Variants in DCP2 observed in about 807,000 individuals in gnomAD.
DCP2 encodes decapping mRNA 2.
DCP2 carries 30 observed loss-of-function variants against 56.1 expected under a neutral mutation model. The ratio of observed to expected loss-of-function variants is 0.53; its 90% CI spans 0.40 to 0.73. The LOEUF is 0.73. Ranked by LOEUF, DCP2 falls within the 30% of genes least tolerant of loss-of-function variation. The probability of loss-of-function intolerance (pLI) is 0.00; values close to 1 mark genes in which losing one functional copy is unlikely to be tolerated. For synonymous variants in DCP2, 197 were observed against 163.3 expected, an observed-to-expected ratio of 1.21 and a Z score of -1.57; for missense variants, 533 against 502.7, an observed-to-expected ratio of 1.06 and a Z score of -0.58.
At chr5:112,991,238 T>C (rs1247152266) in intron 2 of DCP2, among the ~76,000 whole-genome samples, 1 of 152,202 alleles carries the variant, frequency 6.6e-6, no homozygotes, top group African/African-American at 2.4e-5. Context: ...AAATTTTTAT[T>C]GAAGAATTGA....
chr5:113,002,090 G>C (rs1307572826), intron 7 of DCP2, among the ~76,000 whole-genome samples: 1 of 152,158 alleles, frequency 6.6e-6, no homozygotes, highest in African/African-American at 2.4e-5. Flanking sequence ...AATGTAGTTT[G>C]TTAAATTGGA....
rs1474750466 is a variant in DCP2, at chr5:113,020,619, T to C, written c.*7135T>C. 4.6e-5 allele frequency: 7 copies of C among 152,198 alleles called. No individual in the cohort carries two copies. 9.4% of individuals were successfully genotyped at this position (152,198 alleles called of 1,614,324 possible). On this transcript the variant is annotated 3_prime_UTR_variant, in exon 11 of 11. Coordinates refer to ENST00000389063, the MANE Select transcript of DCP2 (RefSeq NM_152624.6). ...AAAGGATAAAGACTACCTGTATTGT[T>C]GGGTATGACTATCAAAGGATTTCCG...
At position 113,022,086 on chromosome 5, in the gene DCP2, AAC is replaced by A. The variant is rs1561716782; in HGVS notation, c.*8606_*8607del. 1.2e-4 allele frequency: 18 copies of A among 152,462 alleles called. No individual in the cohort carries two copies. In the South Asian group the frequency reaches 3.1e-3, roughly 26 times the overall value. The allele number at this position is 152,462 out of a possible 1,614,324, so 9.4% of individuals were successfully genotyped here. Reference sequence around the variant, plus strand: ...AGAAGGATAGCCTTACCCTTTAAATAACACAGTTAAGGTACACTGTGGAATTA... The same window carrying A: ...AGAAGGATAGCCTTACCCTTTAAATAACAGTTAAGGTACACTGTGGAATTA... On this transcript the variant is annotated 3_prime_UTR_variant, in exon 11 of 11. Transcript: ENST00000389063.
rs773931825 is a variant in DCP2 at position 112,976,820 on chromosome 5, C to G, written c.-114C>G. 4 of 1,080,674 alleles carry G rather than the reference C, an allele frequency of 3.7e-6. No individual in the cohort carries two copies. Among genetic ancestry groups the G allele is most frequent in the South Asian group, 1.2e-5 (1 of 80,406 alleles). The allele number at this position is 1,080,674 out of a possible 1,614,324, so 66.9% of individuals were successfully genotyped here. A position where few individuals can be genotyped will look rare whatever the true frequency, so the allele number is the denominator to read the frequency against. The stretch of plus-strand genomic sequence containing the variant: ...CTTCTCGTCTCCGTTGGAGTCGTCT[C>G]TGCCGCGGCTTCCTCGGCTGCCAGC... On this transcript the variant is annotated 5_prime_UTR_variant, in exon 1 of 11. Transcript: ENST00000389063.
At position 113,021,461 on chromosome 5, in the gene DCP2, T is replaced by TTAAG. The variant is rs144006207; in HGVS notation, c.*7979_*7982dup. 4.0e-5 allele frequency among the ~76,000 whole-genome samples: 6 copies of TTAAG among 149,954 alleles called. No individual in the cohort carries two copies. The highest frequency in any genetic ancestry group is 3.5e-3 in the Middle Eastern group (1 of 284). On this transcript the variant is annotated 3_prime_UTR_variant, in exon 11 of 11. Coordinates refer to ENST00000389063, the MANE Select transcript of DCP2 (RefSeq NM_152624.6). ...GCAAAAATGAAAATACCTCAAACAA[T>TTAAG]TAAGTTTGTTGCTTTAAAGCAAGAT...
chr5:112,985,992 C>T lies in DCP2; in HGVS notation c.205+6C>T. The T allele has an allele frequency of 1.3e-6, 2 of 1,518,870 alleles. No individual in the cohort carries two copies. The highest frequency in any genetic ancestry group is 1.8e-6 in the Non-Finnish European group (2 of 1,113,092). 94.1% of individuals were successfully genotyped at this position (1,518,870 alleles called of 1,614,324 possible). Reference sequence around the variant, plus strand: ...AAGAGACTTTGCTAAAGCTGATATCCTTTTTATTACTATAATGACTGACTT... The same window carrying T: ...AAGAGACTTTGCTAAAGCTGATATCTTTTTTATTACTATAATGACTGACTT... On this transcript the variant is annotated splice_donor_region_variant and intron_variant, in intron 2 of 10. Transcript: ENST00000389063.
At position 113,016,754 on chromosome 5, in the gene DCP2, A is replaced by C. The variant is rs1749903032; in HGVS notation, c.*3270A>C. On this transcript the variant is annotated 3_prime_UTR_variant, in exon 11 of 11. Transcript: ENST00000389063. ...TCTCATCCTTTCTTTTTTCATCTCC[A>C]ACAGTTAAATGGTAAGGAGAGCAAA... The C allele has an allele frequency of 6.6e-6, 1 of 152,038 alleles. No homozygotes were observed. The highest frequency in any genetic ancestry group is 2.1e-4 in the South Asian group (1 of 4,824). 9.4% of individuals were successfully genotyped at this position (152,038 alleles called of 1,614,324 possible).
At chr5:112,980,611 C>T (rs1747960664) in intron 1 of DCP2, among the ~76,000 whole-genome samples, 1 of 152,210 alleles carries the variant, frequency 6.6e-6, no homozygotes, top group African/African-American at 2.4e-5. Context: ...AAAGCATTCA[C>T]AGAATGAACG....
Position 113,015,177 on chromosome 5 carries a change from G to A in DCP2, c.*1693G>A, listed in dbSNP as rs192607136. ...TTGGAAGCTTTTACTGTTCTTTTCAGAAATACGGCTGCTTTGCTTGGGTCT... is the reference window on the plus strand; with the variant it reads ...TTGGAAGCTTTTACTGTTCTTTTCAAAAATACGGCTGCTTTGCTTGGGTCT... On this transcript the variant is annotated 3_prime_UTR_variant, in exon 11 of 11. Coordinates refer to ENST00000389063, the MANE Select transcript of DCP2 (RefSeq NM_152624.6). The A allele has an allele frequency of 5.9e-5, 9 of 152,620 alleles. No individual in the cohort carries two copies. In the East Asian group the frequency reaches 1.7e-3, roughly 29 times the overall value. 9.5% of individuals were successfully genotyped at this position (152,620 alleles called of 1,614,324 possible). A position where few individuals can be genotyped will look rare whatever the true frequency, so the allele number is the denominator to read the frequency against.
intron 7 of DCP2, among the ~76,000 whole-genome samples, chr5:113,003,603 C>T (rs983245294): frequency 1.3e-5 from 2 of 152,084 alleles, no homozygotes; most frequent in Non-Finnish European, 2.9e-5. Context: ...ACATTCGTTT[C>T]ATCTAAATTT....
In DCP2 at chr5:112,995,452, A is replaced by C. The variant is rs540382162; in HGVS notation, c.432+2682A>C. 3.5e-4 allele frequency among the ~76,000 whole-genome samples: 53 copies of C among 152,332 alleles called. 1 individual carries two copies. The highest frequency in any genetic ancestry group is 1.1e-3 in the African/African-American group (46 of 41,580). On this transcript the variant is annotated intron_variant, in intron 4 of 10. Transcript: ENST00000389063. ...AATTGATTGTAGCTCTGTACATGGG[A>C]TTAGACTGGTCTAACGGCAGTAAGG... is the stretch of plus-strand genomic sequence containing the variant.
intron 2 of DCP2, among the ~76,000 whole-genome samples, chr5:112,988,476 A>G (rs956777738): frequency 5.0e-5 from 7 of 139,240 alleles, no homozygotes; most frequent in Non-Finnish European, 7.6e-5. Context: ...TGGGTGACAC[A>G]GCGAGACTGT....
At chr5:113,003,774 G>C (rs531236744) in intron 7 of DCP2, among the ~76,000 whole-genome samples, 168 bp from the exon 8 acceptor site, 23 of 152,282 alleles carry the variant, frequency 1.5e-4, no homozygotes, top group Non-Finnish European at 3.4e-4. Context: ...GGGTGATGAG[G>C]ATAAAGCAGT....
At chr5:113,007,638 C>T (rs184008326) in intron 8 of DCP2, among the ~76,000 whole-genome samples, 1 of 151,856 alleles carries the variant, frequency 6.6e-6, no homozygotes, top group Non-Finnish European at 1.5e-5. Context: ...ACCTCGTGAT[C>T]CGCCCGCCTC....
chr5:112,987,035 A>C lies in DCP2; in HGVS notation c.205+1049A>C, dbSNP rs1748322919. On this transcript the variant is annotated intron_variant, in intron 2 of 10. Transcript: ENST00000389063. ...AAAAAGTCATCTTTGCCTTCAGAGA[A>C]GCTTCTTTCCCCATGTACATATCAG... 1.3e-5 allele frequency among the ~76,000 whole-genome samples: 2 copies of C among 152,202 alleles called. 1 individual carries two copies. The highest frequency in any genetic ancestry group is 4.1e-4 in the South Asian group (2 of 4,822).
chr5:113,001,086 C>A lies in DCP2; in HGVS notation c.435C>A (p.Val145=). 1 of 1,596,198 alleles carries A rather than the reference C, an allele frequency of 6.3e-7. No homozygotes were observed. The highest frequency in any genetic ancestry group is 8.5e-7 in the Non-Finnish European group (1 of 1,172,538). ...TCATCCAAATTTGTTGTTTCCAGGTCTTTGAAGAAACTGGTTTTGATATCA... is the reference window on the plus strand; with the variant it reads ...TCATCCAAATTTGTTGTTTCCAGGTATTTGAAGAAACTGGTTTTGATATCA... ...EAPHDCAARE[V]FEETGFDIKD... is the part of the protein sequence containing the mutation. Residue 145 remains valine (V), a splice_region_variant and synonymous_variant, in exon 5 of 11, where the codon GTC becomes GTA. Transcript: ENST00000389063.
At chr5:112,989,608 C>T (rs1437546089) in intron 2 of DCP2, among the ~76,000 whole-genome samples, 1 of 152,044 alleles carries the variant, frequency 6.6e-6, no homozygotes, top group Non-Finnish European at 1.5e-5. Flanking sequence ...GGCCATATTT[C>T]TTTAAAAAAC....
chr5:112,986,550 C>T (rs1403426881), intron 2 of DCP2, among the ~76,000 whole-genome samples: 3 of 151,962 alleles, frequency 2.0e-5, no homozygotes, highest in African/African-American at 7.3e-5. Flanking sequence ...GTTGCTGAGG[C>T]TGGTCTTGAA....
In DCP2 at chr5:113,007,819, G is replaced by T. The variant is rs1013425759; in HGVS notation, c.943-119G>T. On this transcript the variant is annotated intron_variant, in intron 8 of 10. Transcript: ENST00000389063. ...TTGATAGGGTGATTAATGAAAATTT[G>T]GGTAGGAGAAGCTTTGCTAAAAACT... 5.9e-5 allele frequency: 44 copies of T among 739,794 alleles called. No individual in the cohort carries two copies. The African/African-American group carries it at 7.3e-4, about 12-fold the overall frequency. The allele number at this position is 739,794 out of a possible 1,614,324, so 45.8% of individuals were successfully genotyped here.
Sources: gnomAD v4.1 joint callset for allele counts (sites outside exome capture counted in the v4.1 genomes callset) on GRCh38, gnomAD v4.1.1 for gene constraint, MANE v1.5 for transcripts, NCBI Gene and HGNC (gene_info 2026-07-23, HGNC 2026-07-21) for gene names.